Variants in ATXN2 observed in about 807,000 individuals in gnomAD.
The protein encoded by ATXN2 is ataxin 2.
Under a neutral mutation model 138.6 loss-of-function variants are expected in ATXN2, and 37 were observed. The observed-to-expected ratio is 0.27, with a 90% CI of 0.21 to 0.35. The LOEUF (loss-of-function observed/expected upper bound fraction) is 0.35. ATXN2 is among the 10% of genes least tolerant of loss of function. The pLI is 1.00. For missense variants in ATXN2, 1,216 were observed against 1,480.3 expected (o/e 0.82, Z 2.93); for synonymous variants, 549 against 543.7 (o/e 1.01, Z -0.13).
intron 1 of ATXN2, among the ~76,000 whole-genome samples, chr12:111,571,182 C>A (rs771697578): frequency 6.6e-6 from 1 of 152,170 alleles, no homozygotes; most frequent in Non-Finnish European, 1.5e-5. Context: ...AGTCCCTGCT[C>A]CTGTGTACAA....
intron 5 of ATXN2, among the ~76,000 whole-genome samples, chr12:111,546,029 A>G (rs1177506796): frequency 6.6e-6 from 1 of 151,858 alleles, no homozygotes; most frequent in Non-Finnish European, 1.5e-5. Flanking sequence ...GGTAGTGGTT[A>G]GTTGATGGAG....
At chr12:111,562,635 G>C (rs762806899) in intron 1 of ATXN2, among the ~76,000 whole-genome samples, 1 of 147,484 alleles carries the variant, frequency 6.8e-6, no homozygotes, top group South Asian at 2.1e-4. Flanking sequence ...CAGGAGAACT[G>C]CTTGAACCCG....
chr12:111,525,214 A>G lies in ATXN2; in HGVS notation c.674T>C (p.Leu225Pro). ...TACTACGTCATTTTCCAAAGCCTCA[A>G]GTTCCTCATTGGCTGTGAGTTCACC... ...DAGELTANEE[L>P]EALENDVSNG... The change falls in exon 6 of 25, where the codon CTT becomes CCT. Residue 225 changes from leucine (L) to proline (P), a missense_variant. By Grantham distance (98) the Leu-to-Pro change is moderately conservative. Around this residue, in one of 4 missense-constraint regions of ATXN2, gnomAD observed 401 missense variants for 528.1 expected, o/e 0.76. Coordinates refer to ENST00000673436, the MANE Select transcript of ATXN2 (RefSeq NM_001372574.1). The G allele has an allele frequency of 6.2e-7, 1 of 1,612,316 alleles. No homozygotes were observed. Among genetic ancestry groups the G allele is most frequent in the South Asian group, 1.1e-5 (1 of 90,642 alleles).
At chr12:111,506,867 T>C (rs1378921784) in intron 14 of ATXN2, among the ~76,000 whole-genome samples, 2 of 152,166 alleles carry the variant, frequency 1.3e-5, no homozygotes, top group East Asian at 1.9e-4. Flanking sequence ...GGTTTCGCTG[T>C]GTTGGCCGGG....
At chr12:111,568,991 T>TTTTTGTTTTG (rs138147841) in intron 1 of ATXN2, among the ~76,000 whole-genome samples, 5 of 151,176 alleles carry the variant, frequency 3.3e-5, no homozygotes, top group African/African-American at 9.8e-5. Flanking sequence ...GCTAGAGTTT[T>TTTTTGTTTTG]TTTTGTTTTG....
chr12:111,508,441 C>CTTTTT (rs66643315), intron 14 of ATXN2, among the ~76,000 whole-genome samples: 55 of 85,644 alleles, frequency 6.4e-4, no homozygotes, highest in East Asian at 2.7e-3. Flanking sequence ...AATTGAAAAA[C>CTTTTT]TTTTTTTTTT....
intron 15 of ATXN2, among the ~76,000 whole-genome samples, chr12:111,487,141 C>A (rs1877698159): frequency 6.6e-6 from 1 of 151,912 alleles, no homozygotes; most frequent in Non-Finnish European, 1.5e-5. Context: ...TGCAGCAGTG[C>A]AATCTTGGCT....
Position 111,555,926 on chromosome 12 carries a change from A to C in ATXN2, c.252-7T>G. 6.3e-7 allele frequency: 1 copy of C among 1,588,786 alleles called. No individual in the cohort carries two copies. Among genetic ancestry groups the C allele is most frequent in the East Asian group, 2.3e-5 (1 of 42,980 alleles). ...TTTGTTACTGTTTCGACCTCTGAAA[A>C]GATTAAATATTATTTTTATTAAATT... On this transcript the variant is annotated splice_polypyrimidine_tract_variant and splice_region_variant and intron_variant, in intron 1 of 24. Coordinates refer to ENST00000673436, the MANE Select transcript of ATXN2 (RefSeq NM_001372574.1).
chr12:111,453,005 G>C lies in ATXN2; in HGVS notation c.3440-165C>G. The C allele has an allele frequency of 8.0e-7, 1 of 1,250,090 alleles. No homozygotes were observed. The highest frequency in any genetic ancestry group is 2.7e-5 in the South Asian group (1 of 37,406). 77.4% of individuals were successfully genotyped at this position (1,250,090 alleles called of 1,614,324 possible). On this transcript the variant is annotated intron_variant, in intron 24 of 24. Coordinates refer to ENST00000673436, the MANE Select transcript of ATXN2 (RefSeq NM_001372574.1). The surrounding 1 kb of genome is among the most constrained non-coding windows in gnomAD (Gnocchi z 5.4). ...ATCTGCACCAAAGTGGGGAGGGTTG[G>C]GTGGGTGGGTAGAAACAAACCAGTC...
Position 111,598,984 on chromosome 12 carries a change from C to A in ATXN2, c.51G>T (p.Gln17His). The change falls in exon 1 of 25, where the codon CAG becomes CAT. Residue 17 changes from glutamine to histidine, a missense_variant. By Grantham distance (24) the Gln-to-His change is conservative (BLOSUM62 0). Around this residue, in one of 4 missense-constraint regions of ATXN2, gnomAD observed 110 missense variants for 88.7 expected, o/e 1.24. Coordinates refer to ENST00000673436, the MANE Select transcript of ATXN2 (RefSeq NM_001372574.1). This position sits in a 1 kb window ranked among gnomAD's most constrained non-coding sequence, Gnocchi z 4.5. ...GCTGCTGCTGCTGCTGCTGTTGCTG[C>A]TGCTGCTGCTGCTGCTGCTGCTGCT... ...QQQQQQQQQQ[Q>H]QQQQQQQQQQ... 1 of 1,448,782 alleles carries A rather than the reference C, an allele frequency of 6.9e-7. No individual in the cohort carries two copies. 89.7% of individuals were successfully genotyped at this position (1,448,782 alleles called of 1,614,324 possible).
intron 14 of ATXN2, among the ~76,000 whole-genome samples, chr12:111,495,980 C>CAA (rs142965624): frequency 0.1 from 13,858 of 133,616 alleles, 2,269 homozygotes; most frequent in African/African-American, 0.35. Context: ...CCCATCTCTA[C>CAA]AAAAAAAAAA....
chr12:111,504,535 C>A (rs1374117896), intron 14 of ATXN2, among the ~76,000 whole-genome samples: 1 of 152,088 alleles, frequency 6.6e-6, no homozygotes, highest in Non-Finnish European at 1.5e-5. Flanking sequence ...TGTGATCTGC[C>A]TGCTTGGGAC....
At chr12:111,458,931 C>G (rs1170624489) in intron 21 of ATXN2, among the ~76,000 whole-genome samples, 1 of 152,188 alleles carries the variant, frequency 6.6e-6, no homozygotes, top group Non-Finnish European at 1.5e-5. Context: ...CTAACAGTTA[C>G]GTCTCCAGCT....
rs375359382 is a variant in ATXN2, at chr12:111,452,794, G to A, written c.*18C>T. 5.0e-5 allele frequency: 81 copies of A among 1,613,368 alleles called. No individual in the cohort carries two copies. Among genetic ancestry groups the A allele is most frequent in the Middle Eastern group, 3.3e-4 (2 of 6,082 alleles). ...AAGGGAGGAGGGAATTTGGCCTTTC[G>A]GTTCCTCCAGGGCAGCCTTACAACT... On this transcript the variant is annotated 3_prime_UTR_variant, in exon 25 of 25. Transcript: ENST00000673436.
intron 14 of ATXN2, among the ~76,000 whole-genome samples, chr12:111,496,099 G>T (rs899322799): frequency 6.6e-6 from 1 of 151,974 alleles, no homozygotes; most frequent in Non-Finnish European, 1.5e-5. Context: ...GGTTGCAGGT[G>T]AGCCAAGATC....
At chr12:111,591,964 C>G (rs1884687079) in intron 1 of ATXN2, among the ~76,000 whole-genome samples, 1 of 151,654 alleles carries the variant, frequency 6.6e-6, no homozygotes, top group Non-Finnish European at 1.5e-5. Context: ...CACCTGTAAT[C>G]TCAGCTACTC....
chr12:111,464,082 C>T (rs1041499917), intron 21 of ATXN2, among the ~76,000 whole-genome samples: 3 of 152,174 alleles, frequency 2.0e-5, no homozygotes, highest in Non-Finnish European at 4.4e-5. Flanking sequence ...GCCACCGTGC[C>T]TGGCCCTTCC....
intron 5 of ATXN2, among the ~76,000 whole-genome samples, chr12:111,533,130 T>C (rs544706718): frequency 6.6e-6 from 1 of 152,240 alleles, no homozygotes; most frequent in Non-Finnish European, 1.5e-5. Context: ...GACACAGTCA[T>C]GAAAGCAGGA....
chr12:111,493,543 G>A (rs909879635), intron 14 of ATXN2, among the ~76,000 whole-genome samples: 5 of 151,332 alleles, frequency 3.3e-5, no homozygotes, highest in African/African-American at 9.7e-5. Context: ...ACAGAATATT[G>A]TAACACTGTA....
Sources: allele counts gnomAD v4.1 joint callset (sites outside exome capture counted in the v4.1 genomes callset), GRCh38; gene constraint gnomAD v4.1.1; regional missense constraint gnomAD v4.1.1; non-coding constraint Gnocchi (gnomAD v3.1); transcripts MANE v1.5; gene names NCBI Gene and HGNC (gene_info 2026-07-23, HGNC 2026-07-21).